The following ARHGAP15 variants were observed in gnomAD, a reference collection of about 807,000 sequenced individuals.
The protein encoded by ARHGAP15 is Rho GTPase activating protein 15, also known as rho GTPase-activating protein 15.
A neutral mutation model predicts 63.7 loss-of-function variants in ARHGAP15; 51 were observed. The ratio of observed to expected loss-of-function variants is 0.80; its 90% CI spans 0.64 to 1.01. The LOEUF (loss-of-function observed/expected upper bound fraction) is 1.01, where lower values mean the gene tolerates loss of function less well. Ranked by LOEUF, ARHGAP15 falls within the 50% of genes least tolerant of loss-of-function variation. The pLI is 0.00. For missense variants in ARHGAP15, 560 were observed against 564.6 expected (o/e 0.99, Z 0.08); for synonymous variants, 191 against 193.8 (o/e 0.99, Z 0.12).
At chr2:143,651,836 C>T (rs1041789606) in intron 12 of ARHGAP15, among the ~76,000 whole-genome samples, 2 of 151,926 alleles carry the variant, frequency 1.3e-5, no homozygotes, top group Middle Eastern at 3.2e-3. Flanking sequence ...TCTTTTCATG[C>T]TTATTTGCCA....
intron 13 of ARHGAP15, among the ~76,000 whole-genome samples, chr2:143,714,416 G>A (rs1198033725): frequency 6.6e-6 from 1 of 152,198 alleles, no homozygotes; most frequent in Non-Finnish European, 1.5e-5. Context: ...GTGATGGGAG[G>A]GGCTGCCATG....
At chr2:143,152,594 G>C (rs1689869130) in intron 1 of ARHGAP15, among the ~76,000 whole-genome samples, 1 of 151,960 alleles carries the variant, frequency 6.6e-6, no homozygotes, top group African/African-American at 2.4e-5. Flanking sequence ...AGTAAAGGTC[G>C]AAGGGGTATA....
In ARHGAP15 at chr2:143,591,986, T is replaced by C. The variant is rs567435503; in HGVS notation, c.1004-32147T>C. On this transcript the variant is annotated intron_variant, in intron 11 of 13. Transcript: ENST00000295095. ...TCTGAAGAAACTCACTTTTATCACT[T>C]TATTTTGCCCAAATAAAGCACTATA... Among the ~76,000 whole-genome samples the C allele has an allele frequency of 3.9e-5, 6 of 152,262 alleles. No individual in the cohort carries two copies. The East Asian group carries it at 1.2e-3, about 29-fold the overall frequency.
chr2:143,134,695 T>A (rs1324290798), intron 1 of ARHGAP15, among the ~76,000 whole-genome samples: 2 of 146,234 alleles, frequency 1.4e-5, no homozygotes, highest in South Asian at 4.3e-4. Flanking sequence ...AGTGCAGTGG[T>A]GCAATCTCGG....
chr2:143,763,601 TTAATAAATTGCATATATATAAA>T (rs949257687), intron 13 of ARHGAP15, among the ~76,000 whole-genome samples: 2 of 147,724 alleles, frequency 1.4e-5, no homozygotes, highest in Admixed American at 6.7e-5. Context: ...TATATATATC[TTAATAAATTGCATATATATAAA>T]TAATAAATTG....
At chr2:143,684,003 TGAA>T (rs1683216299) in intron 12 of ARHGAP15, among the ~76,000 whole-genome samples, 3 of 152,194 alleles carry the variant, frequency 2.0e-5, no homozygotes, top group Non-Finnish European at 2.9e-5. Flanking sequence ...TTTATTATAT[TGAA>T]GAAGAAAACT....
intron 9 of ARHGAP15, among the ~76,000 whole-genome samples, chr2:143,517,400 T>C (rs1461680693): frequency 6.6e-6 from 1 of 152,220 alleles, no homozygotes; most frequent in Non-Finnish European, 1.5e-5. Flanking sequence ...CTTATAACAA[T>C]ATATATCACT....
chr2:143,248,639 A>T (rs1030048143), intron 5 of ARHGAP15, among the ~76,000 whole-genome samples: 1 of 152,174 alleles, frequency 6.6e-6, no homozygotes, highest in African/African-American at 2.4e-5. Context: ...TGAATGTAAG[A>T]TTTCACAGAA....
chr2:143,671,963 G>T (rs918730719), intron 12 of ARHGAP15, among the ~76,000 whole-genome samples: 3 of 152,056 alleles, frequency 2.0e-5, no homozygotes, highest in African/African-American at 7.3e-5. Flanking sequence ...ATCTATTCAG[G>T]TTCCATAATA....
At chr2:143,319,350 G>A (rs1389745289) in intron 6 of ARHGAP15, among the ~76,000 whole-genome samples, 1 of 151,258 alleles carries the variant, frequency 6.6e-6, no homozygotes, top group African/African-American at 2.4e-5. Context: ...TCAGCCTCCC[G>A]AGTAGCTGGG....
chr2:143,179,153 A>G (rs185669356), intron 2 of ARHGAP15, among the ~76,000 whole-genome samples: 1 of 152,370 alleles, frequency 6.6e-6, no homozygotes, highest in African/African-American at 2.4e-5. Context: ...CACCTAACCT[A>G]GACCTTACAA....
At chr2:143,413,964 T>TGCGCGCGCGC (rs1263567075) in intron 6 of ARHGAP15, among the ~76,000 whole-genome samples, 73 of 67,048 alleles carry the variant, frequency 1.1e-3, no homozygotes, top group Middle Eastern at 6.9e-3. Flanking sequence ...TGTGTGTGTG[T>TGCGCGCGCGC]GTGCGCGCTC....
intron 6 of ARHGAP15, among the ~76,000 whole-genome samples, chr2:143,260,474 T>C (rs1303836575): frequency 6.6e-6 from 1 of 152,162 alleles, no homozygotes; most frequent in African/African-American, 2.4e-5. Flanking sequence ...GCTGAAGTTT[T>C]CTTCTGAATT....
intron 8 of ARHGAP15, among the ~76,000 whole-genome samples, chr2:143,443,149 A>G (rs1384324851): frequency 6.6e-6 from 1 of 152,190 alleles, no homozygotes; most frequent in East Asian, 1.9e-4. Context: ...CCTGTTCTGG[A>G]GGCTCATATA....
At chr2:143,354,129 T>A (rs1380984770) in intron 6 of ARHGAP15, among the ~76,000 whole-genome samples, 2 of 152,126 alleles carry the variant, frequency 1.3e-5, no homozygotes, top group Non-Finnish European at 2.9e-5. Flanking sequence ...TAGTTTAGAA[T>A]GAGAAATTCA....
chr2:143,318,091 C>T (rs560392005), intron 6 of ARHGAP15, among the ~76,000 whole-genome samples: 3 of 152,002 alleles, frequency 2.0e-5, no homozygotes, highest in Non-Finnish European at 2.9e-5. Context: ...CTCCGCCTCC[C>T]GGGTTCAAGC....
intron 10 of ARHGAP15, among the ~76,000 whole-genome samples, chr2:143,533,668 C>A (rs1195166588): frequency 6.6e-6 from 1 of 152,194 alleles, no homozygotes; most frequent in Non-Finnish European, 1.5e-5. Flanking sequence ...CTCACTGACA[C>A]TTCTAAAAGC....
At chr2:143,758,199 A>G (rs1686644792) in intron 13 of ARHGAP15, among the ~76,000 whole-genome samples, 1 of 151,882 alleles carries the variant, frequency 6.6e-6, no homozygotes, top group Non-Finnish European at 1.5e-5. Flanking sequence ...TAAGGGGGGA[A>G]AAGCAAATTA....
intron 3 of ARHGAP15, among the ~76,000 whole-genome samples, chr2:143,205,913 A>G (rs1344676944): frequency 6.6e-6 from 1 of 152,024 alleles, no homozygotes; most frequent in Admixed American, 6.6e-5. Context: ...TGACCTTATC[A>G]TACCCTATCA....
Sources: allele counts gnomAD v4.1 joint callset (sites outside exome capture counted in the v4.1 genomes callset), GRCh38; gene constraint gnomAD v4.1.1; transcripts MANE v1.5; gene names NCBI Gene and HGNC (gene_info 2026-07-23, HGNC 2026-07-21).